HSD17B4: variants seen among roughly 807,000 people sequenced by gnomAD.
HSD17B4 encodes the protein peroxisomal multifunctional enzyme type 2.
Under a neutral mutation model 101.0 loss-of-function variants are expected in HSD17B4, and 70 were observed. The ratio of observed to expected loss-of-function variants is 0.69; its 90% CI spans 0.57 to 0.85. The LOEUF is 0.85. Among genes scored for constraint, HSD17B4 ranks in the 40% least tolerant of loss-of-function variants. The probability of loss-of-function intolerance (pLI) is 0.00; values close to 1 mark genes in which losing one functional copy is unlikely to be tolerated. For synonymous variants in HSD17B4, 347 were observed against 297.1 expected, an observed-to-expected ratio of 1.17 and a Z score of -1.73; for missense variants, 984 against 892.4, an observed-to-expected ratio of 1.10 and a Z score of -1.31.
intron 17 of HSD17B4, among the ~76,000 whole-genome samples, chr5:119,523,101 G>A (rs1003876397): frequency 3.3e-5 from 5 of 152,002 alleles, no homozygotes; most frequent in African/African-American, 9.7e-5. Flanking sequence ...CTGTAGGCTT[G>A]AGATTTGTGT....
At chr5:119,525,713 GT>G (rs748728829) in intron 18 of HSD17B4, 4,087 of 476,152 alleles carry the variant, frequency 8.6e-3, no homozygotes, top group East Asian at 0.013. Flanking sequence ...TTCCTGTTTT[GT>G]TTTTTTTTTT....
chr5:119,509,668 G>A (rs961654378), intron 16 of HSD17B4, among the ~76,000 whole-genome samples: 32 of 151,928 alleles, frequency 2.1e-4, no homozygotes, highest in African/African-American at 7.0e-4. Flanking sequence ...ATTCCATTAT[G>A]TCCCCAGGCT....
rs150380794 is a variant in HSD17B4 at position 119,492,571 on chromosome 5, T to C, written c.739+447T>C. On this transcript the variant is annotated intron_variant, in intron 10 of 23. Transcript: ENST00000510025. ...TTTCCCATGTAATTATTTTCTTCCA[T>C]GAAGCAGGAGACGTCAAGGGGAGTG... is the stretch of plus-strand genomic sequence containing the variant. 540 of 168,310 alleles carry C rather than the reference T, an allele frequency of 3.2e-3. 3 individuals carry two copies. Among genetic ancestry groups the C allele is most frequent in the African/African-American group, 0.012 (501 of 42,022 alleles). The allele number at this position is 168,310 out of a possible 1,614,324, so 10.4% of individuals were successfully genotyped here.
Position 119,471,681 on chromosome 5 carries a change from A to G in HSD17B4, c.113-2227A>G, listed in dbSNP as rs545645799. 13 of 1,474,670 alleles carry G rather than the reference A, an allele frequency of 8.8e-6. No individual in the cohort carries two copies. In the Admixed American group the frequency reaches 1.1e-4, roughly 12 times the overall value. 91.3% of individuals were successfully genotyped at this position (1,474,670 alleles called of 1,614,324 possible). On this transcript the variant is annotated intron_variant, in intron 2 of 23. Transcript: ENST00000510025. ...ACCCTATGGAGAAGATCATTTCACA[A>G]TGCAGATTCTTTGTTTCAAGTAATT...
At position 119,496,681 on chromosome 5, in the gene HSD17B4, T is replaced by C. The variant is rs751082828; in HGVS notation, c.972+35T>C. 11 of 1,118,742 alleles carry C rather than the reference T, an allele frequency of 9.8e-6. 1 individual carries two copies. The South Asian group carries it at 1.4e-4, about 14-fold the overall frequency. 69.3% of individuals were successfully genotyped at this position (1,118,742 alleles called of 1,614,324 possible). ...AAAAAAGCCTAAAGCGTTTGCCTTC[T>C]CTGGAGACTTTCCCTCCCTTCTTCC... is the stretch of plus-strand genomic sequence containing the variant. On this transcript the variant is annotated intron_variant, in intron 12 of 23. Coordinates refer to ENST00000510025, the MANE Select transcript of HSD17B4 (RefSeq NM_000414.4).
At chr5:119,453,237 G>A (rs974223745) in intron 1 of HSD17B4, among the ~76,000 whole-genome samples, 35 of 152,180 alleles carry the variant, frequency 2.3e-4, no homozygotes, top group Non-Finnish European at 1.5e-5. Context: ...CTTGGCAGAG[G>A]TTGTAAGCTC....
chr5:119,514,410 T>C (rs998093806), intron 16 of HSD17B4, among the ~76,000 whole-genome samples: 7 of 152,224 alleles, frequency 4.6e-5, no homozygotes, highest in African/African-American at 7.2e-5. Flanking sequence ...TATTAGCTAC[T>C]TGAATTTTTT....
chr5:119,520,945 C>A (rs980161153), intron 17 of HSD17B4, among the ~76,000 whole-genome samples: 1 of 152,056 alleles, frequency 6.6e-6, no homozygotes, highest in Non-Finnish European at 1.5e-5. Context: ...ATTATTTTTA[C>A]TGTTTAGAGC....
At chr5:119,537,916 T>G (rs1754666638) in intron 23 of HSD17B4, among the ~76,000 whole-genome samples, 1 of 152,152 alleles carries the variant, frequency 6.6e-6, no homozygotes, top group Admixed American at 6.6e-5. Context: ...AAATACCTTC[T>G]GGGGTTTTCT....
At chr5:119,458,998 C>G (rs1754949841) in intron 2 of HSD17B4, among the ~76,000 whole-genome samples, 1 of 152,218 alleles carries the variant, frequency 6.6e-6, no homozygotes, top group Non-Finnish European at 1.5e-5. Context: ...AAAGGGAGTT[C>G]TACTCTTGAA....
chr5:119,531,568 G>T lies in HSD17B4; in HGVS notation c.1993+164G>T, dbSNP rs2636963. Among the ~76,000 whole-genome samples the T allele has an allele frequency of 0.064, 7,470 of 116,454 alleles. 267 individuals are homozygous for T. Among genetic ancestry groups the T allele is most frequent in the African/African-American group, 0.11 (3,775 of 35,752 alleles). 76.4% of individuals were successfully genotyped at this position (116,454 alleles called of 152,430 possible). ...ATAGGTTTGGGAATGTCCAAAGGGG[G>T]GTGTGTGTGTGTGTGTGTGTGTGTG... is the stretch of plus-strand genomic sequence containing the variant. On this transcript the variant is annotated intron_variant, in intron 22 of 23. Coordinates refer to ENST00000510025, the MANE Select transcript of HSD17B4 (RefSeq NM_000414.4).
intron 15 of HSD17B4, among the ~76,000 whole-genome samples, chr5:119,507,640 C>T (rs937649097): frequency 2.0e-5 from 3 of 151,764 alleles, no homozygotes; most frequent in Non-Finnish European, 2.9e-5. Context: ...AAAAAAAAGC[C>T]GGGCATGGTG....
chr5:119,458,884 A>C (rs912043818), intron 2 of HSD17B4, among the ~76,000 whole-genome samples: 1 of 152,220 alleles, frequency 6.6e-6, no homozygotes, highest in African/African-American at 2.4e-5. Flanking sequence ...AGGTTTCCTC[A>C]GTAGGTGAGC....
At chr5:119,475,753 T>G in intron 5 of HSD17B4, 26 bp downstream of exon 5, 3 of 1,586,786 alleles carry the variant, frequency 1.9e-6, no homozygotes, top group Non-Finnish European at 1.7e-6. Context: ...TCATTTTTAG[T>G]GATGTGTGTA....
intron 10 of HSD17B4, 103 bp from the exon 11 acceptor site, chr5:119,493,715 T>C: frequency 1.8e-6 from 2 of 1,116,774 alleles, no homozygotes; most frequent in Non-Finnish European, 2.7e-6. Context: ...AATCCCTTTT[T>C]TTCTGAATTT....
chr5:119,487,258 T>TC (rs1749695497), intron 8 of HSD17B4: 1 of 150,944 alleles, frequency 6.6e-6, no homozygotes, highest in Non-Finnish European at 1.5e-5. Flanking sequence ...TTTTTTTTTT[T>TC]CTGGTTGGAG....
intron 22 of HSD17B4, 100 bp downstream of exon 22, chr5:119,531,504 C>A: frequency 8.2e-7 from 1 of 1,225,948 alleles, no homozygotes; most frequent in Non-Finnish European, 1.2e-6. Flanking sequence ...TAAATCTTAC[C>A]TTTTTAGGTA....
At chr5:119,474,278 T>C (rs1580546992) in intron 3 of HSD17B4, 123 bp from the exon 4 acceptor site, 2 of 768,368 alleles carry the variant, frequency 2.6e-6, no homozygotes, top group East Asian at 2.5e-5. Context: ...ATTGTAGATA[T>C]GGATATGTTC....
rs763999607 is a variant in HSD17B4, at chr5:119,474,444, T to C, written c.264T>C (p.Asp88=). 2.0e-5 allele frequency: 32 copies of C among 1,605,708 alleles called. No individual in the cohort carries two copies. Among genetic ancestry groups the C allele is most frequent in the Non-Finnish European group, 2.6e-5 (31 of 1,172,506 alleles). Residue 88 remains aspartate, a synonymous_variant, in exon 4 of 24, where the codon GAT becomes GAC. Transcript: ENST00000510025. The part of the protein sequence containing the change: ...EGEKVVKTAL[D]AFGRIDVVVN... ...AGAAGGTTGTGAAGACAGCCCTGGA[T>C]GCTTTTGGAAGAATAGGTGATGTTT... is the stretch of plus-strand genomic sequence containing the variant.
Sources: gnomAD v4.1 joint callset for allele counts (sites outside exome capture counted in the v4.1 genomes callset) on GRCh38, gnomAD v4.1.1 for gene constraint, MANE v1.5 for transcripts, NCBI Gene and HGNC (gene_info 2026-07-23, HGNC 2026-07-21) for gene names.